The following SRRM4 variants were observed in gnomAD, a reference collection of about 807,000 sequenced individuals.
SRRM4 encodes serine/arginine repetitive matrix 4.
SRRM4 carries 33 observed loss-of-function variants against 68.9 expected under a neutral mutation model. The observed-to-expected ratio is 0.48, with a 90% confidence interval of 0.36 to 0.64. The LOEUF is 0.64. Among genes scored for constraint, SRRM4 ranks in the 30% least tolerant of loss-of-function variants. The pLI, the probability that SRRM4 is intolerant of heterozygous loss-of-function variation, is 0.00. For synonymous variants in SRRM4, 318 were observed against 318.8 expected, an observed-to-expected ratio of 1.00 and a Z score of 0.03; for missense variants, 817 against 827.1, an observed-to-expected ratio of 0.99 and a Z score of 0.15.
At chr12:119,040,628 A>G (rs1033572127) in intron 1 of SRRM4, among the ~76,000 whole-genome samples, 4 of 152,186 alleles carry the variant, frequency 2.6e-5, no homozygotes, top group South Asian at 2.1e-4. Flanking sequence ...TGATTTTGCA[A>G]TTGTGAATTG....
intron 5 of SRRM4, 113 bp downstream of exon 5, chr12:119,120,389 C>T: frequency 9.0e-7 from 1 of 1,114,746 alleles, no homozygotes; most frequent in East Asian, 2.6e-5. Context: ...ATGACCCCTT[C>T]ATCTTCCTGG....
intron 1 of SRRM4, among the ~76,000 whole-genome samples, chr12:119,059,898 G>A (rs1437161327): frequency 6.6e-6 from 1 of 152,110 alleles, no homozygotes; most frequent in Non-Finnish European, 1.5e-5. Flanking sequence ...AAGGAGAGAG[G>A]GTGCAGAGTC....
At chr12:119,045,271 C>T (rs377404569) in intron 1 of SRRM4, among the ~76,000 whole-genome samples, 7 of 152,200 alleles carry the variant, frequency 4.6e-5, no homozygotes, top group South Asian at 2.1e-4. Context: ...CACATTGCCA[C>T]GCTTTCCAAA....
In SRRM4 at chr12:119,099,325, G is replaced by A. The variant is rs573331942; in HGVS notation, c.132-2911G>A. Among the ~76,000 whole-genome samples the A allele has an allele frequency of 6.6e-5, 10 of 152,208 alleles. 1 individual carries two copies. The highest frequency in any genetic ancestry group is 6.2e-4 in the South Asian group (3 of 4,810). On this transcript the variant is annotated intron_variant, in intron 1 of 12. Coordinates refer to ENST00000267260, the MANE Select transcript of SRRM4 (RefSeq NM_194286.4). ...ATTCTTTTATTTTTAGTAGAGAAAG[G>A]GTTCTGCCATATTGGCCAGGCTGGT... is the stretch of plus-strand genomic sequence containing the variant.
chr12:119,105,750 A>G (rs1954103905), intron 2 of SRRM4, among the ~76,000 whole-genome samples: 1 of 151,824 alleles, frequency 6.6e-6, no homozygotes, highest in Admixed American at 6.6e-5. Context: ...GATTGTAAAA[A>G]TTTTCTCCCA....
At chr12:119,102,464 C>A in intron 2 of SRRM4, 82 bp downstream of exon 2, 4 of 1,097,542 alleles carry the variant, frequency 3.6e-6, no homozygotes, top group East Asian at 2.6e-5. Context: ...CTCTCTTATG[C>A]AAGTTCCTCT....
intron 7 of SRRM4, among the ~76,000 whole-genome samples, chr12:119,127,042 T>C (rs1055005452): frequency 7.2e-6 from 1 of 139,764 alleles, no homozygotes; most frequent in Non-Finnish European, 1.5e-5. Context: ...GGGAACATCA[T>C]ACTCTGGGGA....
At chr12:119,066,655 G>A (rs1251897999) in intron 1 of SRRM4, among the ~76,000 whole-genome samples, 4 of 152,176 alleles carry the variant, frequency 2.6e-5, no homozygotes, top group African/African-American at 9.7e-5. Context: ...TGCTTCCTTA[G>A]GTTTCAAGGA....
chr12:119,033,057 C>T (rs1953602101), intron 1 of SRRM4, among the ~76,000 whole-genome samples: 1 of 151,984 alleles, frequency 6.6e-6, no homozygotes, highest in African/African-American at 2.4e-5. Flanking sequence ...TTTTCAAGAT[C>T]CAGTTTTTAT....
Position 119,047,030 on chromosome 12 carries a change from TAAAAAAAAA to T in SRRM4, c.132-55195_132-55187del, listed in dbSNP as rs11415940. On this transcript the variant is annotated intron_variant, in intron 1 of 12. Coordinates refer to ENST00000267260, the MANE Select transcript of SRRM4 (RefSeq NM_194286.4). ...CTGGGTGACAGAGTGAGATCCCGTC[TAAAAAAAAA>T]AAAAAAAAAAGTGTGGACTCTGTCT... 5.7e-5 allele frequency among the ~76,000 whole-genome samples: 7 copies of T among 122,222 alleles called. No individual in the cohort carries two copies. In the Admixed American group the frequency reaches 6.1e-4, roughly 11 times the overall value. The allele number at this position is 122,222 out of a possible 152,430, so 80.2% of individuals were successfully genotyped here.
intron 1 of SRRM4, among the ~76,000 whole-genome samples, chr12:119,095,571 T>C (rs1384767516): frequency 6.6e-6 from 1 of 152,142 alleles, no homozygotes; most frequent in Admixed American, 6.5e-5. Context: ...GTAAGTCCTC[T>C]ATACACAGAA....
intron 2 of SRRM4, among the ~76,000 whole-genome samples, chr12:119,109,757 G>T (rs958023220): frequency 2.0e-5 from 3 of 152,276 alleles, no homozygotes; most frequent in African/African-American, 7.2e-5. Flanking sequence ...TTTGCGATGG[G>T]TTCAAACATC....
chr12:119,026,727 T>G (rs935159997), intron 1 of SRRM4, among the ~76,000 whole-genome samples: 2 of 152,022 alleles, frequency 1.3e-5, no homozygotes, highest in African/African-American at 4.8e-5. Context: ...TTTTGTTTTT[T>G]TTGTAGAGAC....
intron 1 of SRRM4, among the ~76,000 whole-genome samples, chr12:118,986,378 G>A (rs959980799): frequency 6.6e-6 from 1 of 152,156 alleles, no homozygotes; most frequent in African/African-American, 2.4e-5. Flanking sequence ...TGTTGAATGG[G>A]ATACAGGGGT....
intron 5 of SRRM4, among the ~76,000 whole-genome samples, chr12:119,120,919 G>A (rs1249553399): frequency 6.6e-6 from 1 of 152,164 alleles, no homozygotes; most frequent in African/African-American, 2.4e-5. Context: ...GGGGAGTGAC[G>A]ATGGCTTCTT....
chr12:119,134,440 G>T (rs558052977), intron 8 of SRRM4, among the ~76,000 whole-genome samples: 1 of 151,376 alleles, frequency 6.6e-6, no homozygotes, highest in African/African-American at 2.4e-5. Flanking sequence ...AACTCCAGGG[G>T]CTCACAGTCT....
chr12:119,074,967 A>G (rs570929526), intron 1 of SRRM4, among the ~76,000 whole-genome samples: 19 of 152,346 alleles, frequency 1.2e-4, no homozygotes, highest in African/African-American at 4.3e-4. Context: ...GAGAAAATCT[A>G]TGAGGCCAAA....
rs961035994 is a variant in SRRM4 at position 119,156,807 on chromosome 12, G to A, written c.*9G>A. On this transcript the variant is annotated 3_prime_UTR_variant, in exon 13 of 13. Coordinates refer to ENST00000267260, the MANE Select transcript of SRRM4 (RefSeq NM_194286.4). Reference sequence around the variant, plus strand: ...CCAGCACGAGGCGCTAAGTGCCCCTGAGCCAGCTGCCCGTGGGGGCCCCTT... The same window carrying A: ...CCAGCACGAGGCGCTAAGTGCCCCTAAGCCAGCTGCCCGTGGGGGCCCCTT... 7 of 1,515,806 alleles carry A rather than the reference G, an allele frequency of 4.6e-6. No homozygotes were observed. Among genetic ancestry groups the A allele is most frequent in the African/African-American group, 1.4e-5 (1 of 72,440 alleles). 93.9% of individuals were successfully genotyped at this position (1,515,806 alleles called of 1,614,324 possible). A position where few individuals can be genotyped will look rare whatever the true frequency, so the allele number is the denominator to read the frequency against.
chr12:119,045,124 G>C (rs571594376), intron 1 of SRRM4, among the ~76,000 whole-genome samples: 2 of 152,106 alleles, frequency 1.3e-5, no homozygotes, highest in African/African-American at 2.4e-5. Context: ...TCAGCTATAC[G>C]GATGTGGGGA....
Sources: gnomAD v4.1 joint callset for allele counts (sites outside exome capture counted in the v4.1 genomes callset) on GRCh38, gnomAD v4.1.1 for gene constraint, MANE v1.5 for transcripts, NCBI Gene and HGNC (gene_info 2026-07-23, HGNC 2026-07-21) for gene names.